The following BEND6 variants were observed in gnomAD, a reference collection of about 807,000 sequenced individuals.
BEND6 encodes BEN domain-containing protein 6.
Under a neutral mutation model 31.8 loss-of-function variants are expected in BEND6, and 24 were observed. The observed-to-expected ratio is 0.75, with a 90% CI of 0.55 to 1.06. BEND6 has a LOEUF of 1.06. BEND6 is among the 50% of genes least tolerant of loss of function. The pLI is 0.00. For synonymous variants in BEND6, 109 were observed against 114.6 expected (o/e 0.95, Z 0.31); for missense variants, 294 against 327.4 (o/e 0.90, Z 0.79).
At chr6:56,987,484 C>T (rs1052373284) in intron 2 of BEND6, among the ~76,000 whole-genome samples, 1 of 152,152 alleles carries the variant, frequency 6.6e-6, no homozygotes, top group African/African-American at 2.4e-5. Context: ...CATGAGGACT[C>T]TTTAGGGAAG....
intron 3 of BEND6, among the ~76,000 whole-genome samples, chr6:56,995,066 G>A (rs1035523108): frequency 2.0e-5 from 3 of 151,790 alleles, no homozygotes; most frequent in African/African-American, 7.3e-5. Flanking sequence ...ACCTATCCTT[G>A]TGAGTCTCAA....
chr6:57,004,511 C>T (rs543520801), intron 3 of BEND6: 11 of 708,512 alleles, frequency 1.6e-5, no homozygotes, highest in South Asian at 7.1e-5. Context: ...GCTCCAGCTC[C>T]GTGTAGCCAC....
chr6:56,968,312 C>CTTTTTTTTTTTTTTTTTTTTTT (rs779756084), intron 1 of BEND6, among the ~76,000 whole-genome samples: 29 of 65,986 alleles, frequency 4.4e-4, no homozygotes, highest in Non-Finnish European at 5.3e-4. Flanking sequence ...TCTTTCTTTT[C>CTTTTTTTTTTTTTTTTTTTTTT]TTTTTTTTTT....
At chr6:57,021,670 A>T (rs1449248072) in intron 6 of BEND6, among the ~76,000 whole-genome samples, 1 of 152,168 alleles carries the variant, frequency 6.6e-6, no homozygotes, top group Non-Finnish European at 1.5e-5. Flanking sequence ...ATGTATTTAT[A>T]AGATTTACAG....
At position 56,969,510 on chromosome 6, in the gene BEND6, G is replaced by C. The variant is rs182317552; in HGVS notation, c.-100-12201G>C. On this transcript the variant is annotated intron_variant, in intron 1 of 6. Transcript: ENST00000370746. ...TCATATTCTGACCTGAGTACTATAA[G>C]GGGTCTTTTATGTCTATACATTTCA... Among the ~76,000 whole-genome samples, 253 of 152,210 alleles carry C rather than the reference G, an allele frequency of 1.7e-3. 1 individual carries two copies. Among genetic ancestry groups the C allele is most frequent in the Middle Eastern group, 3.4e-3 (1 of 294 alleles).
intron 1 of BEND6, among the ~76,000 whole-genome samples, chr6:56,962,934 ACT>A (rs1825340437): frequency 6.6e-6 from 1 of 151,714 alleles, no homozygotes; most frequent in South Asian, 2.1e-4. Flanking sequence ...TTGAGTATCT[ACT>A]CTCTGCTAAA....
At chr6:56,994,547 A>G (rs890365590) in intron 3 of BEND6, among the ~76,000 whole-genome samples, 3 of 149,824 alleles carry the variant, frequency 2.0e-5, no homozygotes, top group African/African-American at 7.3e-5. Flanking sequence ...AACTTTGGCC[A>G]TATTATTTCA....
At chr6:56,960,473 A>G (rs897630405) in intron 1 of BEND6, among the ~76,000 whole-genome samples, 5 of 152,212 alleles carry the variant, frequency 3.3e-5, no homozygotes, top group Admixed American at 3.3e-4. Context: ...TTGCATAGCA[A>G]ATGTTACAAG....
At chr6:57,003,981 CT>C (rs1827050678) in intron 3 of BEND6, among the ~76,000 whole-genome samples, 1 of 152,146 alleles carries the variant, frequency 6.6e-6, no homozygotes, top group African/African-American at 2.4e-5. Flanking sequence ...ATCCAACATC[CT>C]TTCTTGATAA....
chr6:57,020,220 T>G (rs4715644), intron 6 of BEND6, among the ~76,000 whole-genome samples: 1 of 152,006 alleles, frequency 6.6e-6, no homozygotes, highest in Non-Finnish European at 1.5e-5. Context: ...TAGTACTTCC[T>G]ATTTTGACAT....
chr6:56,978,114 C>CAAA (rs76466174), intron 1 of BEND6, among the ~76,000 whole-genome samples: 1 of 141,240 alleles, frequency 7.1e-6, no homozygotes, highest in Non-Finnish European at 1.5e-5. Context: ...AAACAAAAAA[C>CAAA]AAAAAAAAAA....
intron 1 of BEND6, 98 bp from the exon 2 acceptor site, chr6:56,981,613 A>G (rs1826071790): frequency 2.2e-6 from 1 of 451,382 alleles, no homozygotes; most frequent in African/African-American, 2.1e-5. Flanking sequence ...AAAGAATAGG[A>G]AACATTAATA....
At chr6:56,978,620 T>G (rs1825968877) in intron 1 of BEND6, among the ~76,000 whole-genome samples, 1 of 152,232 alleles carries the variant, frequency 6.6e-6, no homozygotes, top group Non-Finnish European at 1.5e-5. Context: ...ACATTCATTC[T>G]TGTGGACTTG....
chr6:56,997,710 C>T (rs978974846), intron 3 of BEND6, among the ~76,000 whole-genome samples: 84 of 152,214 alleles, frequency 5.5e-4, no homozygotes, highest in African/African-American at 1.9e-3. Context: ...CCTGCCACCA[C>T]GCCTGGCTAA....
At chr6:56,974,384 A>G (rs902848026) in intron 1 of BEND6, among the ~76,000 whole-genome samples, 4 of 152,232 alleles carry the variant, frequency 2.6e-5, no homozygotes, top group African/African-American at 9.6e-5. Context: ...ATTATTGTAC[A>G]GCCTTAAGGT....
chr6:56,955,384 C>T lies in BEND6; in HGVS notation c.-177C>T, dbSNP rs1242630922. The T allele has an allele frequency of 2.6e-5, 4 of 152,360 alleles. No individual in the cohort carries two copies. The highest frequency in any genetic ancestry group is 1.9e-4 in the East Asian group (1 of 5,178). 9.4% of individuals were successfully genotyped at this position (152,360 alleles called of 1,614,324 possible). A position where few individuals can be genotyped will look rare whatever the true frequency, so the allele number is the denominator to read the frequency against. On this transcript the variant is annotated 5_prime_UTR_variant, in exon 1 of 7. Coordinates refer to ENST00000370746, the MANE Select transcript of BEND6 (RefSeq NM_152731.3). ...AAAACCGAGAGGCGCTGACAGGAGCCTCCCGGCGGTGCTACCCTCCACCTC... is the reference window on the plus strand; with the variant it reads ...AAAACCGAGAGGCGCTGACAGGAGCTTCCCGGCGGTGCTACCCTCCACCTC...
At chr6:57,000,144 A>C (rs1826875795) in intron 3 of BEND6, among the ~76,000 whole-genome samples, 1 of 152,070 alleles carries the variant, frequency 6.6e-6, no homozygotes, top group Non-Finnish European at 1.5e-5. Context: ...TTTGTCGAAA[A>C]GAAAAGGGGG....
At chr6:56,987,687 GA>G (rs1421017500) in intron 2 of BEND6, among the ~76,000 whole-genome samples, 3 of 152,284 alleles carry the variant, frequency 2.0e-5, no homozygotes, top group South Asian at 4.1e-4. Flanking sequence ...CCATGCACCA[GA>G]ATGTCTTTTC....
intron 1 of BEND6, among the ~76,000 whole-genome samples, chr6:56,961,389 C>T (rs1825280734): frequency 6.6e-6 from 1 of 152,146 alleles, no homozygotes; most frequent in African/African-American, 2.4e-5. Context: ...TGTCCTCTAG[C>T]ATCTTTAAAC....
Sources: gnomAD v4.1 joint callset for allele counts (sites outside exome capture counted in the v4.1 genomes callset) on GRCh38, gnomAD v4.1.1 for gene constraint, MANE v1.5 for transcripts, NCBI Gene and HGNC (gene_info 2026-07-23, HGNC 2026-07-21) for gene names.